Variants in HDAC4 observed in about 807,000 individuals in gnomAD.
HDAC4 encodes histone deacetylase A.
Under a neutral mutation model 135.1 loss-of-function variants are expected in HDAC4, and 16 were observed. The observed-to-expected ratio is 0.12, with a 90% CI of 0.08 to 0.18. HDAC4 has a LOEUF of 0.18. HDAC4 is among the 10% of genes least tolerant of loss of function. HDAC4 has a pLI of 1.00. For synonymous variants in HDAC4, 685 were observed against 653.4 expected, an observed-to-expected ratio of 1.05 and a Z score of -0.74; for missense variants, 1,143 against 1,511.8, an observed-to-expected ratio of 0.76 and a Z score of 4.05.
intron 20 of HDAC4, among the ~76,000 whole-genome samples, chr2:239,083,819 C>A (rs1014334138): frequency 2.6e-5 from 4 of 152,192 alleles, no homozygotes; most frequent in African/African-American, 9.6e-5. Flanking sequence ...TCCTCCCAGG[C>A]TCCCAGGCCA....
At chr2:239,275,727 C>T (rs1487912599) in intron 2 of HDAC4, among the ~76,000 whole-genome samples, 1 of 152,102 alleles carries the variant, frequency 6.6e-6, no homozygotes, top group Non-Finnish European at 1.5e-5. Context: ...GTCCCACTCC[C>T]CACCCCTCAG....
At chr2:239,345,398 A>T (rs1037776750) in intron 2 of HDAC4, among the ~76,000 whole-genome samples, 3 of 152,106 alleles carry the variant, frequency 2.0e-5, no homozygotes, top group Admixed American at 2.0e-4. Context: ...AAAATTTTAA[A>T]AATTAGCTGG....
chr2:239,302,731 G>A (rs912489567), intron 2 of HDAC4, among the ~76,000 whole-genome samples: 1 of 152,232 alleles, frequency 6.6e-6, no homozygotes, highest in Non-Finnish European at 1.5e-5. Context: ...TGTGCTTCAC[G>A]CAGAGCGTTT....
chr2:239,336,942 A>G (rs1031889155), intron 2 of HDAC4, among the ~76,000 whole-genome samples: 1 of 152,188 alleles, frequency 6.6e-6, no homozygotes, highest in African/African-American at 2.4e-5. Flanking sequence ...TGGTGGTGAC[A>G]GTTTCTCAAA....
At position 239,245,543 on chromosome 2, in the gene HDAC4, T is replaced by C. The variant is rs1193431868; in HGVS notation, c.23-8879A>G. 6.6e-6 allele frequency among the ~76,000 whole-genome samples: 1 copy of C among 152,276 alleles called. No individual in the cohort carries two copies. The highest frequency in any genetic ancestry group is 1.5e-5 in the Non-Finnish European group (1 of 68,028). On this transcript the variant is annotated intron_variant, in intron 2 of 26. Coordinates refer to ENST00000543185, the MANE Select transcript of HDAC4 (RefSeq NM_001378414.1). This position sits in a 1 kb window ranked among gnomAD's most constrained non-coding sequence, Gnocchi z 4.4. ...GGGTTGGATCTGTTAGAAACACACA[T>C]TCAAGTATTTAAGGGATGGTGCTGT... is the stretch of plus-strand genomic sequence containing the variant.
chr2:239,086,129 G>A (rs1399539794), intron 19 of HDAC4, among the ~76,000 whole-genome samples: 1 of 41,402 alleles, frequency 2.4e-5, no homozygotes, highest in Non-Finnish European at 4.2e-5. Flanking sequence ...GCTCTAACAC[G>A]CGGATCTGAC....
Position 239,054,020 on chromosome 2 carries a change from C to T in HDAC4, c.3089-419G>A, listed in dbSNP as rs546868828. Among the ~76,000 whole-genome samples, 5 of 151,964 alleles carry T rather than the reference C, an allele frequency of 3.3e-5. No homozygotes were observed. In the East Asian group the frequency reaches 9.9e-4, roughly 30 times the overall value. On this transcript the variant is annotated intron_variant, in intron 25 of 26. Transcript: ENST00000543185. ...GGGCTGAGGGGTCTTCTGCCTGGGC[C>T]CTCACAGAGGCTGGGGGTGGAGGGG...
At chr2:239,199,955 G>A (rs1038062966) in intron 3 of HDAC4, among the ~76,000 whole-genome samples, 41 of 152,092 alleles carry the variant, frequency 2.7e-4, no homozygotes, top group African/African-American at 9.7e-4. Flanking sequence ...GGCCAGGATG[G>A]TCTCGATCTC....
In HDAC4 at chr2:239,156,678, T is replaced by C; in HGVS notation, c.707A>G (p.Lys236Arg). The change falls in exon 7 of 27, where the codon AAA (lysine) becomes AGA (arginine). Residue 236 changes from lysine (K) to arginine (R), a missense_variant. Transcript: ENST00000543185. ...NHPVLGMYDA[K>R]DDFPLRKTAS... ...TGTTTTCCTAAGAGGGAAGTCATCT[T>C]TGGCGTCGTACATTCCCAGGACCGG... is the stretch of plus-strand genomic sequence containing the variant. 6.2e-7 allele frequency: 1 copy of C among 1,614,126 alleles called. No individual in the cohort carries two copies. Among genetic ancestry groups the C allele is most frequent in the African/African-American group, 1.3e-5 (1 of 75,014 alleles).
At chr2:239,382,164 C>A (rs749036810) in intron 1 of HDAC4, among the ~76,000 whole-genome samples, 3 of 152,248 alleles carry the variant, frequency 2.0e-5, no homozygotes, top group Non-Finnish European at 4.4e-5. Context: ...AGGACCTGCA[C>A]CCACGTAACA....
chr2:239,119,214 G>GTGCACC (rs1300867609), intron 12 of HDAC4, among the ~76,000 whole-genome samples: 1 of 152,200 alleles, frequency 6.6e-6, no homozygotes, highest in African/African-American at 2.4e-5. Flanking sequence ...TTATCACTCG[G>GTGCACC]TGCACCGGAG....
intron 6 of HDAC4, among the ~76,000 whole-genome samples, chr2:239,162,802 G>A (rs1298889447): frequency 6.6e-6 from 1 of 152,152 alleles, no homozygotes; most frequent in Non-Finnish European, 1.5e-5. Flanking sequence ...GGGATGTGTC[G>A]GGGTAGCGGG....
At chr2:239,345,411 G>A (rs979718311) in intron 2 of HDAC4, among the ~76,000 whole-genome samples, 5 of 152,002 alleles carry the variant, frequency 3.3e-5, no homozygotes, top group East Asian at 1.9e-4. Flanking sequence ...TTAGCTGGGC[G>A]TGGTGGCATG....
At chr2:239,237,589 A>C (rs976384626) in intron 2 of HDAC4, among the ~76,000 whole-genome samples, 6 of 152,204 alleles carry the variant, frequency 3.9e-5, no homozygotes, top group African/African-American at 1.4e-4. Context: ...CAAAAAAAAA[A>C]AAACCCATTT....
chr2:239,079,429 T>C (rs749943974), intron 22 of HDAC4, among the ~76,000 whole-genome samples: 56 of 152,314 alleles, frequency 3.7e-4, no homozygotes, highest in Non-Finnish European at 6.5e-4. Context: ...AGATGGGGTC[T>C]GTTCCCTCTG....
At chr2:239,336,550 T>C (rs1286701751) in intron 2 of HDAC4, among the ~76,000 whole-genome samples, 1 of 152,156 alleles carries the variant, frequency 6.6e-6, no homozygotes, top group African/African-American at 2.4e-5. Flanking sequence ...CTGTAAAAGC[T>C]AGGTGCTAAA....
chr2:239,376,817 G>A (rs933673704), intron 1 of HDAC4, among the ~76,000 whole-genome samples: 6 of 151,978 alleles, frequency 3.9e-5, no homozygotes, highest in Non-Finnish European at 7.4e-5. Context: ...GCAGGGTCTC[G>A]GTGGAACCAG....
intron 6 of HDAC4, among the ~76,000 whole-genome samples, chr2:239,161,349 A>T (rs2042779652): frequency 6.6e-6 from 1 of 152,146 alleles, no homozygotes; most frequent in Non-Finnish European, 1.5e-5. Context: ...TGGCGACCTA[A>T]GAAATCTTGC....
At chr2:239,137,881 C>T (rs1451660466) in intron 9 of HDAC4, among the ~76,000 whole-genome samples, 1 of 152,220 alleles carries the variant, frequency 6.6e-6, no homozygotes, top group Non-Finnish European at 1.5e-5. Flanking sequence ...TTTCCTGTAA[C>T]TCCTTCTACA....
Sources: allele counts gnomAD v4.1 joint callset (sites outside exome capture counted in the v4.1 genomes callset), GRCh38; gene constraint gnomAD v4.1.1; non-coding constraint Gnocchi (gnomAD v3.1); transcripts MANE v1.5; gene names NCBI Gene and HGNC (gene_info 2026-07-23, HGNC 2026-07-21).